The following ZNF138 variants were observed in gnomAD, a reference collection of about 807,000 sequenced individuals.
ZNF138 encodes the protein zinc finger protein 138, also known as zinc finger protein 138 (clone pHZ-32).
In ZNF138, 33 loss-of-function variants were observed where a neutral mutation model predicts 33.0. The ratio of observed to expected loss-of-function variants is 1.00; its 90% CI spans 0.76 to 1.34. The LOEUF is 1.34. Among genes scored for constraint, ZNF138 ranks in the 40% most tolerant of loss-of-function variants. The pLI is 0.00. For missense variants in ZNF138, 360 were observed against 370.8 expected, an observed-to-expected ratio of 0.97 and a Z score of 0.24; for synonymous variants, 139 against 120.4, an observed-to-expected ratio of 1.15 and a Z score of -1.01.
At chr7:64,817,270 G>C (rs10236731) in intron 3 of ZNF138, among the ~76,000 whole-genome samples, 150,093 of 152,296 alleles carry the variant, frequency 0.99, 73,999 homozygotes, top group East Asian at 1. Context: ...CTTCCTTCCT[G>C]CAGGCCTCTG....
At chr7:64,840,105 C>CGG in the ZNF138 span, among the ~76,000 whole-genome samples, 2 of 152,076 alleles carry the variant, frequency 1.3e-5, no homozygotes, top group African/African-American at 4.8e-5. Flanking sequence ...AATGCTGAGT[C>CGG]GGGGTATCTG....
intron 1 of ZNF138, among the ~76,000 whole-genome samples, chr7:64,799,031 C>G (rs1786926795): frequency 6.6e-6 from 1 of 151,380 alleles, no homozygotes; most frequent in African/African-American, 2.4e-5. Flanking sequence ...GCTATTCAGG[C>G]TCTTTGTTGG....
At chr7:64,798,448 G>GAA (rs1046323483) in intron 1 of ZNF138, among the ~76,000 whole-genome samples, 32 of 152,276 alleles carry the variant, frequency 2.1e-4, no homozygotes, top group African/African-American at 7.7e-4. Context: ...ATACAAAAAA[G>GAA]AAAATCTTAT....
At chr7:64,825,250 G>A (rs1789489933) in intron 3 of ZNF138, among the ~76,000 whole-genome samples, 1 of 127,006 alleles carries the variant, frequency 7.9e-6, no homozygotes, top group South Asian at 2.6e-4. Context: ...TCGGCTCACT[G>A]CAAGCTCTGC....
chr7:64,828,391 T>C (rs1367291835), intron 3 of ZNF138, among the ~76,000 whole-genome samples: 1 of 152,168 alleles, frequency 6.6e-6, no homozygotes, highest in Admixed American at 6.5e-5. Context: ...TTTTGTTTCC[T>C]GATTCTAAGA....
At chr7:64,820,289 C>A (rs574271225) in intron 3 of ZNF138, among the ~76,000 whole-genome samples, 1 of 151,506 alleles carries the variant, frequency 6.6e-6, no homozygotes, top group Non-Finnish European at 1.5e-5. Flanking sequence ...GTGGAATCAT[C>A]CAGTCTCCAT....
intron 3 of ZNF138, among the ~76,000 whole-genome samples, chr7:64,825,079 A>G (rs1368716530): frequency 1.3e-5 from 2 of 149,554 alleles, no homozygotes; most frequent in African/African-American, 4.9e-5. Flanking sequence ...CAGCCTCCCA[A>G]AGTGCTGGAA....
chr7:64,860,039 AGAC>A, the ZNF138 span, among the ~76,000 whole-genome samples: 1 of 152,182 alleles, frequency 6.6e-6, no homozygotes, highest in Non-Finnish European at 1.5e-5. Context: ...CAGGAAGCTG[AGAC>A]AGGGGAATTG....
At chr7:64,841,670 T>G in the ZNF138 span, among the ~76,000 whole-genome samples, 11 of 152,236 alleles carry the variant, frequency 7.2e-5, no homozygotes, top group African/African-American at 2.4e-4. Context: ...GTGTCTTCTG[T>G]GTATTCATCA....
intron 1 of ZNF138, among the ~76,000 whole-genome samples, chr7:64,797,276 C>T (rs1459856552): frequency 6.6e-6 from 1 of 152,078 alleles, no homozygotes; most frequent in Non-Finnish European, 1.5e-5. Flanking sequence ...TAATTGTTTA[C>T]TACATCATTT....
the ZNF138 span, chr7:64,852,625 C>T: frequency 6.8e-6 from 10 of 1,476,892 alleles, no homozygotes; most frequent in Admixed American, 1.7e-5. Context: ...TGTTGAGCCT[C>T]GCCATGTTCA....
intron 3 of ZNF138, among the ~76,000 whole-genome samples, chr7:64,826,313 C>T (rs1273206296): frequency 1.3e-5 from 2 of 151,960 alleles, no homozygotes; most frequent in Admixed American, 6.6e-5. Flanking sequence ...GAGTTTCGCT[C>T]TTGTTGCCCA....
chr7:64,821,032 A>ATT lies in ZNF138; in HGVS notation c.208+5380_208+5381dup, dbSNP rs1166936843. Among the ~76,000 whole-genome samples, 6 of 7,816 alleles carry ATT rather than the reference A, an allele frequency of 7.7e-4. No individual in the cohort carries two copies. In the East Asian group the frequency reaches 0.018, roughly 24 times the overall value. The allele number at this position is 7,816 out of a possible 152,430, so 5.1% of individuals were successfully genotyped here. ...TGGCCATTCTAATTGGTGTGAGGTGATTGTTTTTTTTTGTTTTGTTTTTGG... is the reference window on the plus strand; with the variant it reads ...TGGCCATTCTAATTGGTGTGAGGTGATTTTGTTTTTTTTTGTTTTGTTTTTGG... On this transcript the variant is annotated intron_variant, in intron 3 of 3. Transcript: ENST00000307355.
chr7:64,839,175 C>G, the ZNF138 span, among the ~76,000 whole-genome samples: 1 of 152,182 alleles, frequency 6.6e-6, no homozygotes, highest in South Asian at 2.1e-4. Context: ...GTTGAGTGTG[C>G]CTTCGGGGGG....
At chr7:64,801,950 CTG>C (rs1219694644) in intron 1 of ZNF138, among the ~76,000 whole-genome samples, 3 of 152,148 alleles carry the variant, frequency 2.0e-5, no homozygotes, top group African/African-American at 7.2e-5. Context: ...GAGTCAAACT[CTG>C]TAAAATATTT....
chr7:64,808,899 G>A (rs1368639691), intron 1 of ZNF138, among the ~76,000 whole-genome samples: 1 of 139,156 alleles, frequency 7.2e-6, no homozygotes, highest in Non-Finnish European at 1.6e-5. Flanking sequence ...ACAGGGTTGG[G>A]GGTAAGGTCA....
intron 1 of ZNF138, among the ~76,000 whole-genome samples, chr7:64,801,139 T>C (rs144357017): frequency 5.9e-5 from 9 of 152,278 alleles, no homozygotes; most frequent in African/African-American, 1.7e-4. Flanking sequence ...TCTTGATCTG[T>C]TGCATAGTTT....
At chr7:64,800,992 A>G (rs1288537634) in intron 1 of ZNF138, among the ~76,000 whole-genome samples, 2 of 152,150 alleles carry the variant, frequency 1.3e-5, no homozygotes. Context: ...GTAGACTTCA[A>G]TAGTTATTTG....
At chr7:64,815,866 A>G (rs1459571478) in intron 3 of ZNF138, among the ~76,000 whole-genome samples, 2 of 89,776 alleles carry the variant, frequency 2.2e-5, no homozygotes, top group Non-Finnish European at 4.5e-5. Flanking sequence ...TCTTTCTTCA[A>G]GTTCACAGTG....
Sources: gnomAD v4.1 joint callset for allele counts (sites outside exome capture counted in the v4.1 genomes callset) on GRCh38, gnomAD v4.1.1 for gene constraint, MANE v1.5 for transcripts, NCBI Gene and HGNC (gene_info 2026-07-23, HGNC 2026-07-21) for gene names.